The following CHN1 variants were observed in gnomAD, a reference collection of about 807,000 sequenced individuals.
CHN1 encodes chimerin 1.
CHN1 carries 37 observed loss-of-function variants against 59.5 expected under a neutral mutation model. The ratio of observed to expected loss-of-function variants is 0.62; its 90% CI spans 0.48 to 0.82. The LOEUF is 0.82. Among genes scored for constraint, CHN1 ranks in the 40% least tolerant of loss-of-function variants. The probability of loss-of-function intolerance (pLI) is 0.00; values close to 1 mark genes in which losing one functional copy is unlikely to be tolerated. For synonymous variants in CHN1, 206 were observed against 200.4 expected (o/e 1.03, Z -0.24); for missense variants, 469 against 571.0 (o/e 0.82, Z 1.82).
intron 7 of CHN1, among the ~76,000 whole-genome samples, chr2:174,839,287 G>A (rs751811195): frequency 4.6e-5 from 7 of 151,948 alleles, no homozygotes; most frequent in Non-Finnish European, 7.4e-5. Flanking sequence ...TTTCCTATGC[G>A]TTTATATCCT....
At chr2:174,883,912 A>G (rs1185234107) in intron 5 of CHN1, among the ~76,000 whole-genome samples, 1 of 151,848 alleles carries the variant, frequency 6.6e-6, no homozygotes. Flanking sequence ...AAAAAGATAA[A>G]AAAAAGGAGA....
At chr2:174,949,808 CAG>C (rs1257496437) in intron 2 of CHN1, among the ~76,000 whole-genome samples, 1 of 152,070 alleles carries the variant, frequency 6.6e-6, no homozygotes, top group Non-Finnish European at 1.5e-5. Flanking sequence ...TTCCTTGACT[CAG>C]AAGTTTTTTT....
intron 1 of CHN1, among the ~76,000 whole-genome samples, chr2:174,995,822 T>G (rs768643937): frequency 2.0e-5 from 3 of 152,128 alleles, no homozygotes; most frequent in Non-Finnish European, 4.4e-5. Context: ...AGTAGCCACT[T>G]AAAGTGCTTG....
At chr2:174,807,577 G>C (rs1381712664) in intron 11 of CHN1, among the ~76,000 whole-genome samples, 1 of 149,858 alleles carries the variant, frequency 6.7e-6, no homozygotes, top group African/African-American at 2.5e-5. Flanking sequence ...ATGAGACAAG[G>C]ACATGTGAGA....
At chr2:174,963,137 C>A (rs915693513) in intron 1 of CHN1, among the ~76,000 whole-genome samples, 10 of 152,068 alleles carry the variant, frequency 6.6e-5, no homozygotes, top group African/African-American at 2.4e-4. Context: ...AGTAATTACA[C>A]ATGAAACACC....
chr2:174,827,469 T>C (rs968253492), intron 7 of CHN1, among the ~76,000 whole-genome samples: 16 of 152,276 alleles, frequency 1.1e-4, no homozygotes, highest in Middle Eastern at 3.4e-3. Flanking sequence ...TTTAGAGAAC[T>C]GCAAGGAAGT....
At chr2:174,954,638 TG>T (rs1455729157) in intron 1 of CHN1, among the ~76,000 whole-genome samples, 1 of 152,024 alleles carries the variant, frequency 6.6e-6, no homozygotes, top group Non-Finnish European at 1.5e-5. Flanking sequence ...GCTAAGGACA[TG>T]AATAAACAAT....
At chr2:174,895,743 T>C (rs1172571199) in intron 5 of CHN1, among the ~76,000 whole-genome samples, 1 of 152,094 alleles carries the variant, frequency 6.6e-6, no homozygotes, top group Non-Finnish European at 1.5e-5. Flanking sequence ...ATGCTATTCA[T>C]AGCAAAGTAG....
intron 1 of CHN1, among the ~76,000 whole-genome samples, chr2:174,973,947 T>G (rs1690840357): frequency 6.6e-6 from 1 of 152,222 alleles, no homozygotes; most frequent in Admixed American, 6.5e-5. Flanking sequence ...TGAATTAAAG[T>G]ACTACAAGGT....
chr2:174,866,625 G>T (rs1330317631), intron 6 of CHN1, among the ~76,000 whole-genome samples: 1 of 152,124 alleles, frequency 6.6e-6, no homozygotes, highest in Non-Finnish European at 1.5e-5. Flanking sequence ...AAATAGTTCT[G>T]GTTTAAATAA....
chr2:174,910,235 T>C (rs1339740787), intron 5 of CHN1, among the ~76,000 whole-genome samples: 1 of 152,200 alleles, frequency 6.6e-6, no homozygotes, highest in Non-Finnish European at 1.5e-5. Flanking sequence ...TTATTTTTCT[T>C]AGTAAAAGTG....
chr2:174,825,875 C>T lies in CHN1; in HGVS notation c.628-1357G>A, dbSNP rs115111126. ...CATTATGTGTTCAATTTAGAAAAAC[C>T]ATGCCAATTAAATCATGACAAGCCA... On this transcript the variant is annotated intron_variant, in intron 7 of 12. Coordinates refer to ENST00000409900, the MANE Select transcript of CHN1 (RefSeq NM_001822.7). 2.1e-3 allele frequency among the ~76,000 whole-genome samples: 321 copies of T among 152,190 alleles called. 2 individuals are homozygous for T. Among genetic ancestry groups the T allele is most frequent in the African/African-American group, 7.0e-3 (291 of 41,516 alleles).
intron 1 of CHN1, among the ~76,000 whole-genome samples, chr2:174,996,910 A>T (rs2105469751): frequency 6.6e-6 from 1 of 152,068 alleles, no homozygotes; most frequent in East Asian, 1.9e-4. Context: ...CACTTCCTTC[A>T]AGTCTGCTCA....
chr2:174,906,567 T>C (rs1339109240), intron 5 of CHN1, among the ~76,000 whole-genome samples: 2 of 152,144 alleles, frequency 1.3e-5, no homozygotes, highest in East Asian at 1.9e-4. Flanking sequence ...AACTGTACAC[T>C]TGAAACAGGT....
At chr2:174,911,805 G>A (rs888123511) in intron 5 of CHN1, among the ~76,000 whole-genome samples, 29 of 152,284 alleles carry the variant, frequency 1.9e-4, no homozygotes, top group African/African-American at 5.5e-4. Flanking sequence ...TGAGGGAGGC[G>A]TGTTCTTTGA....
At chr2:174,837,782 A>C (rs1452815157) in intron 7 of CHN1, among the ~76,000 whole-genome samples, 1 of 152,206 alleles carries the variant, frequency 6.6e-6, no homozygotes, top group African/African-American at 2.4e-5. Flanking sequence ...GTGTAGTAAA[A>C]ATATTTAAAA....
rs149868481 is a variant in CHN1, at chr2:174,972,735, G to C, written c.20-20533C>G. On this transcript the variant is annotated intron_variant, in intron 1 of 12. Coordinates refer to ENST00000409900, the MANE Select transcript of CHN1 (RefSeq NM_001822.7). ...AAAGTCAGGTTGATTCAGTGCCAAG[G>C]CTAAGCGTTATCACGTAAGGAATTA... Among the ~76,000 whole-genome samples, 54 of 152,264 alleles carry C rather than the reference G, an allele frequency of 3.5e-4. 1 individual carries two copies. Among genetic ancestry groups the C allele is most frequent in the African/African-American group, 1.2e-3 (51 of 41,564 alleles).
intron 5 of CHN1, among the ~76,000 whole-genome samples, chr2:174,888,732 G>A (rs1047303795): frequency 6.6e-6 from 1 of 152,178 alleles, no homozygotes; most frequent in Non-Finnish European, 1.5e-5. Flanking sequence ...CTGGGTGATG[G>A]GGGAGAGCAG....
intron 9 of CHN1, 42 bp from the exon 10 acceptor site, chr2:174,811,630 T>C (rs1198196183): frequency 3.1e-6 from 4 of 1,296,932 alleles, no homozygotes; most frequent in African/African-American, 1.5e-5. Context: ...TTATGCCTTT[T>C]CTTCAGATTT....
Sources: allele counts gnomAD v4.1 joint callset (sites outside exome capture counted in the v4.1 genomes callset), GRCh38; gene constraint gnomAD v4.1.1; transcripts MANE v1.5; gene names NCBI Gene and HGNC (gene_info 2026-07-23, HGNC 2026-07-21).